Variants in RBL2 observed in about 807,000 individuals in gnomAD.
RBL2 encodes the protein retinoblastoma-like protein 2.
In RBL2, 56 loss-of-function variants were observed where a neutral mutation model predicts 126.0. That is an observed-to-expected ratio of 0.44 (90% CI 0.36 to 0.56). The LOEUF (loss-of-function observed/expected upper bound fraction) is 0.56, where lower values mean the gene tolerates loss of function less well. Among genes scored for constraint, RBL2 ranks in the 20% least tolerant of loss-of-function variants. RBL2 has a pLI of 0.00. For missense variants in RBL2, 1,229 were observed against 1,398.2 expected (o/e 0.88, Z 1.93); for synonymous variants, 454 against 478.5 (o/e 0.95, Z 0.67).
intron 8 of RBL2, among the ~76,000 whole-genome samples, chr16:53,459,186 T>G (rs914067867): frequency 3.9e-5 from 6 of 152,216 alleles, no homozygotes; most frequent in Non-Finnish European, 1.5e-5. Context: ...GAGTTTTAAC[T>G]TTTAAGAGAC....
intron 8 of RBL2, 52 bp downstream of exon 8, chr16:53,454,894 G>T (rs751544546): frequency 2.1e-6 from 3 of 1,419,292 alleles, no homozygotes; most frequent in South Asian, 1.6e-5. Context: ...GTAAGCCAGG[G>T]GTTCTTTTTT....
At chr16:53,451,917 G>A in intron 5 of RBL2, 86 bp downstream of exon 5, 1 of 1,439,520 alleles carries the variant, frequency 6.9e-7, no homozygotes, top group Non-Finnish European at 9.6e-7. Context: ...CCTAGCATCA[G>A]TATTTTGAAG....
At position 53,480,618 on chromosome 16, in the gene RBL2, C is replaced by T. The variant is rs765761065; in HGVS notation, c.2933C>T (p.Pro978Leu). The T allele has an allele frequency of 6.2e-7, 1 of 1,614,046 alleles. No individual in the cohort carries two copies. Among genetic ancestry groups the T allele is most frequent in the Non-Finnish European group, 8.5e-7 (1 of 1,180,002 alleles). Reference protein sequence around the residue: ...VMRSSSTLPVPQPSSAPPTPT... With the variant: ...VMRSSSTLPVLQPSSAPPTPT... ...AGGTCAAGCAGCACCTTGCCAGTTC[C>T]ACAGCCCAGCAGTGCTCCTCCCACA... is the stretch of plus-strand genomic sequence containing the variant. Residue 978 changes from proline (P) to leucine (L), a missense_variant, in exon 20 of 22, where the codon CCA (proline) becomes CTA (leucine). By Grantham distance (98) the Pro-to-Leu change is moderately conservative. Coordinates refer to ENST00000262133, the MANE Select transcript of RBL2 (RefSeq NM_005611.4).
chr16:53,461,433 A>C (rs1241533958), intron 9 of RBL2, among the ~76,000 whole-genome samples: 3 of 152,206 alleles, frequency 2.0e-5, no homozygotes, highest in Non-Finnish European at 4.4e-5. Flanking sequence ...TGGAGGTTGC[A>C]GTGAGCCAAG....
chr16:53,434,684 C>T lies in RBL2; in HGVS notation c.128C>T (p.Pro43Leu), dbSNP rs941215692. 11 of 1,574,604 alleles carry T rather than the reference C, an allele frequency of 7.0e-6. No homozygotes were observed. The East Asian group carries it at 2.5e-4, about 36-fold the overall frequency. ...GCGCCGCCTGCCGAGTCGCCCACCC[C>T]TCAGATCCAGCAGCGGTTCGACGAG... ...DAAPPAESPT[P>L]QIQQRFDELC... The change falls in exon 1 of 22, where the codon CCT becomes CTT. Residue 43 changes from proline (P) to leucine (L), a missense_variant. Transcript: ENST00000262133.
rs1323184053 is a variant in RBL2, at chr16:53,491,172, T to TAATC, written c.*875_*878dup. ...GGATCAACCAGCTAAGAAAAGATTT[T>TAATC]AATCAAGTTGAATTGAGGGGATTAA... On this transcript the variant is annotated 3_prime_UTR_variant, in exon 22 of 22. Coordinates refer to ENST00000262133, the MANE Select transcript of RBL2 (RefSeq NM_005611.4). 6.6e-6 allele frequency: 1 copy of TAATC among 152,378 alleles called. No homozygotes were observed. Among genetic ancestry groups the TAATC allele is most frequent in the Non-Finnish European group, 1.5e-5 (1 of 68,038 alleles). 9.4% of individuals were successfully genotyped at this position (152,378 alleles called of 1,614,324 possible).
In RBL2 at chr16:53,435,814, A is replaced by G. The variant is rs894418688; in HGVS notation, c.240+1018A>G. On this transcript the variant is annotated intron_variant, in intron 1 of 21. Coordinates refer to ENST00000262133, the MANE Select transcript of RBL2 (RefSeq NM_005611.4). Reference sequence around the variant, plus strand: ...GAGGTTATTTTTAATTTGTATTTGCATTAATAGAATTTTAATTCAATTACT... The same window carrying G: ...GAGGTTATTTTTAATTTGTATTTGCGTTAATAGAATTTTAATTCAATTACT... 3.4e-5 allele frequency: 40 copies of G among 1,176,494 alleles called. No homozygotes were observed. In the Admixed American group the frequency reaches 6.8e-4, roughly 20 times the overall value. 72.9% of individuals were successfully genotyped at this position (1,176,494 alleles called of 1,614,324 possible).
Position 53,434,586 on chromosome 16 carries a change from G to A in RBL2, c.30G>A (p.Pro10=). ...CGTCGGGAGGTGACCAGTCGCCACC[G>A]CCCCCGCCTCCCCCTCCGGCGGCGG... The part of the protein sequence containing the change: MPSGGDQSP[P]PPPPPPAAAA... The change falls in exon 1 of 22, where the codon CCG becomes CCA. Residue 10 remains proline, a synonymous_variant. Transcript: ENST00000262133. 1.3e-6 allele frequency: 2 copies of A among 1,538,070 alleles called. No homozygotes were observed. Among genetic ancestry groups the A allele is most frequent in the Non-Finnish European group, 1.7e-6 (2 of 1,150,996 alleles).
chr16:53,483,186 C>T (rs1470424449), intron 21 of RBL2, among the ~76,000 whole-genome samples: 1 of 152,092 alleles, frequency 6.6e-6, no homozygotes, highest in Non-Finnish European at 1.5e-5. Context: ...GAAAGCAACT[C>T]TTAGACATTA....
chr16:53,468,355 A>G (rs1229691505), intron 14 of RBL2, among the ~76,000 whole-genome samples: 1 of 152,162 alleles, frequency 6.6e-6, no homozygotes, highest in African/African-American at 2.4e-5. Flanking sequence ...CCTGGGCAAC[A>G]TAGCAAGATA....
chr16:53,468,423 T>C (rs1342284666), intron 14 of RBL2, among the ~76,000 whole-genome samples: 2 of 152,090 alleles, frequency 1.3e-5, no homozygotes, highest in Admixed American at 6.6e-5. Context: ...TTAATACACA[T>C]GGATGATCCT....
At chr16:53,475,775 C>T (rs972355306) in intron 17 of RBL2, among the ~76,000 whole-genome samples, 1 of 150,956 alleles carries the variant, frequency 6.6e-6, no homozygotes, top group East Asian at 1.9e-4. Context: ...TCTTTTTTCC[C>T]CAAATCCTTT....
chr16:53,446,099 C>T (rs1010788903), intron 3 of RBL2, among the ~76,000 whole-genome samples: 1 of 151,890 alleles, frequency 6.6e-6, no homozygotes, highest in Admixed American at 6.6e-5. Flanking sequence ...TTCTAGAATT[C>T]TCAAGTTGTA....
chr16:53,450,365 T>A (rs931457983), intron 4 of RBL2, among the ~76,000 whole-genome samples: 2 of 152,164 alleles, frequency 1.3e-5, no homozygotes, highest in Non-Finnish European at 2.9e-5. Context: ...TGTGTGTACA[T>A]GTACACTTGG....
Position 53,467,941 on chromosome 16 carries a change from TC to T in RBL2, c.1975+774del, listed in dbSNP as rs1436267696. 2.0e-5 allele frequency among the ~76,000 whole-genome samples: 3 copies of T among 152,312 alleles called. No individual in the cohort carries two copies. In the East Asian group the frequency reaches 5.8e-4, roughly 29 times the overall value. On this transcript the variant is annotated intron_variant, in intron 14 of 21. Transcript: ENST00000262133. ...AGTGAGTTAAGACAACTGAGTATGTTCCACTTTGTTGAGCTGTGCTACCCTA... is the reference window on the plus strand; with the variant it reads ...AGTGAGTTAAGACAACTGAGTATGTTCACTTTGTTGAGCTGTGCTACCCTA...
intron 18 of RBL2, 47 bp downstream of exon 18, chr16:53,479,272 T>C (rs191907834): frequency 6.5e-7 from 1 of 1,527,026 alleles, no homozygotes; most frequent in East Asian, 2.3e-5. Context: ...TTAAAGTCTG[T>C]GATGAATACA....
intron 8 of RBL2, among the ~76,000 whole-genome samples, chr16:53,457,362 C>A (rs1293541498): frequency 6.7e-6 from 1 of 148,666 alleles, no homozygotes; most frequent in Non-Finnish European, 1.5e-5. Context: ...TGGGTTCAAG[C>A]GATTCTCCTG....
At chr16:53,487,018 T>C (rs755623273) in intron 21 of RBL2, among the ~76,000 whole-genome samples, 89 of 152,334 alleles carry the variant, frequency 5.8e-4, no homozygotes, top group African/African-American at 1.4e-3. Context: ...CTGAAAACTA[T>C]AGAAGCTTGG....
chr16:53,485,128 C>T (rs1961114337), intron 21 of RBL2, among the ~76,000 whole-genome samples: 1 of 152,030 alleles, frequency 6.6e-6, no homozygotes, highest in African/African-American at 2.4e-5. Flanking sequence ...CACTCTCTAA[C>T]AAATCAAGTG....
Sources: allele counts gnomAD v4.1 joint callset (sites outside exome capture counted in the v4.1 genomes callset), GRCh38; gene constraint gnomAD v4.1.1; transcripts MANE v1.5; gene names NCBI Gene and HGNC (gene_info 2026-07-23, HGNC 2026-07-21).